The following LGR5 variants were observed in gnomAD, a reference collection of about 807,000 sequenced individuals.
The protein encoded by LGR5 is leucine rich repeat containing G protein-coupled receptor 5.
Under a neutral mutation model 76.7 loss-of-function variants are expected in LGR5, and 54 were observed. The ratio of observed to expected loss-of-function variants is 0.70; its 90% CI spans 0.57 to 0.88. The LOEUF (loss-of-function observed/expected upper bound fraction) is 0.88, where lower values mean the gene tolerates loss of function less well. LGR5 is among the 40% of genes least tolerant of loss of function. The pLI, the probability that LGR5 is intolerant of heterozygous loss-of-function variation, is 0.00. For synonymous variants in LGR5, 406 were observed against 421.9 expected, an observed-to-expected ratio of 0.96 and a Z score of 0.46; for missense variants, 1,078 against 1,073.3, an observed-to-expected ratio of 1.00 and a Z score of -0.06.
At chr12:71,496,890 C>T (rs4301874) in intron 1 of LGR5, among the ~76,000 whole-genome samples, 119,898 of 151,712 alleles carry the variant, frequency 0.79, 47,504 homozygotes, top group Middle Eastern at 0.88. Context: ...TAATATGAAA[C>T]GTTAGATGTC....
intron 11 of LGR5, among the ~76,000 whole-genome samples, chr12:71,569,103 G>C (rs373517381): frequency 2.0e-5 from 3 of 152,170 alleles, no homozygotes; most frequent in Admixed American, 6.5e-5. Context: ...GAACTGGCTA[G>C]CCATATGCAG....
chr12:71,579,726 C>A (rs556188121), intron 15 of LGR5, among the ~76,000 whole-genome samples: 1 of 152,040 alleles, frequency 6.6e-6, no homozygotes, highest in Non-Finnish European at 1.5e-5. Context: ...ATTGAATAGT[C>A]GGTGTTATTT....
chr12:71,570,875 A>T lies in LGR5; in HGVS notation c.1071-639A>T, dbSNP rs75454913. ...TGATAACTTTTAAAACATGAAACAA[A>T]ATTGTTCTTATATATCTATGTTACG... is the stretch of plus-strand genomic sequence containing the variant. On this transcript the variant is annotated intron_variant, in intron 11 of 17. Transcript: ENST00000266674. 7.9e-3 allele frequency among the ~76,000 whole-genome samples: 1,203 copies of T among 152,274 alleles called. 15 individuals are homozygous for T. The highest frequency in any genetic ancestry group is 0.027 in the African/African-American group (1,110 of 41,550).
chr12:71,562,122 C>A (rs1052036514), intron 8 of LGR5, among the ~76,000 whole-genome samples: 4 of 152,100 alleles, frequency 2.6e-5, no homozygotes, highest in Admixed American at 2.6e-4. Context: ...TTGATTACCT[C>A]TATTTTCTAA....
intron 1 of LGR5, among the ~76,000 whole-genome samples, chr12:71,469,479 G>C (rs1209286318): frequency 6.6e-6 from 1 of 152,240 alleles, no homozygotes; most frequent in Non-Finnish European, 1.5e-5. Context: ...CTGGGAGTGG[G>C]AATCAGTGCG....
chr12:71,586,173 T>C lies in LGR5; in HGVS notation c.*1439T>C, dbSNP rs528426364. 1 of 152,264 alleles carries C rather than the reference T, an allele frequency of 6.6e-6. No individual in the cohort carries two copies. Among genetic ancestry groups the C allele is most frequent in the African/African-American group, 2.4e-5 (1 of 41,568 alleles). The allele number at this position is 152,264 out of a possible 1,614,324, so 9.4% of individuals were successfully genotyped here. ...CAGTGGCATATTCTTTGATTTATATTGTGTTTCTCTGCCCATTTTCTTTAA... is the reference window on the plus strand; with the variant it reads ...CAGTGGCATATTCTTTGATTTATATCGTGTTTCTCTGCCCATTTTCTTTAA... On this transcript the variant is annotated 3_prime_UTR_variant, in exon 18 of 18. Coordinates refer to ENST00000266674, the MANE Select transcript of LGR5 (RefSeq NM_003667.4).
intron 3 of LGR5, 48 bp downstream of exon 3, chr12:71,524,525 A>T (rs1227111997): frequency 7.8e-7 from 1 of 1,286,092 alleles, no homozygotes; most frequent in East Asian, 2.3e-5. Context: ...TTAGTGTCAA[A>T]TGGCTGCTAA....
chr12:71,565,721 A>G (rs1237465637), intron 8 of LGR5, among the ~76,000 whole-genome samples: 2 of 151,584 alleles, frequency 1.3e-5, no homozygotes. Flanking sequence ...AACGTGGTAG[A>G]CATTAGTGAA....
intron 1 of LGR5, among the ~76,000 whole-genome samples, chr12:71,468,706 C>T (rs1223646263): frequency 7.2e-6 from 1 of 137,982 alleles, no homozygotes; most frequent in Non-Finnish European, 1.5e-5. Flanking sequence ...TCTGTGGTAG[C>T]CTCTTTTTTT....
intron 1 of LGR5, among the ~76,000 whole-genome samples, chr12:71,456,232 T>C (rs118089330): frequency 4.5e-4 from 69 of 152,250 alleles, no homozygotes; most frequent in Non-Finnish European, 9.0e-4. Flanking sequence ...AAAAATACAA[T>C]ATTTCCAGCC....
chr12:71,574,699 TC>T (rs1303640997), intron 13 of LGR5, among the ~76,000 whole-genome samples: 2 of 152,154 alleles, frequency 1.3e-5, no homozygotes, highest in Non-Finnish European at 2.9e-5. Flanking sequence ...GTGTCATCTC[TC>T]CTCAGCACAC....
intron 1 of LGR5, among the ~76,000 whole-genome samples, chr12:71,487,598 G>C (rs1873888818): frequency 6.6e-6 from 1 of 152,026 alleles, no homozygotes; most frequent in Non-Finnish European, 1.5e-5. Context: ...AATTATTTCT[G>C]TACGAGGTCT....
intron 11 of LGR5, among the ~76,000 whole-genome samples, chr12:71,570,378 G>T (rs1057227338): frequency 6.6e-6 from 1 of 152,090 alleles, no homozygotes; most frequent in African/African-American, 2.4e-5. Context: ...TTAGGTAGAA[G>T]GCAACACTAT....
intron 1 of LGR5, among the ~76,000 whole-genome samples, chr12:71,468,854 TTTTG>T (rs1288532741): frequency 6.6e-6 from 1 of 152,106 alleles, no homozygotes; most frequent in Non-Finnish European, 1.5e-5. Context: ...GTACTCATAA[TTTTG>T]TTTGTCAGTG....
At chr12:71,565,526 A>G (rs1156812582) in intron 8 of LGR5, among the ~76,000 whole-genome samples, 1 of 150,858 alleles carries the variant, frequency 6.6e-6, no homozygotes, top group Non-Finnish European at 1.5e-5. Flanking sequence ...TTAAGTAGAA[A>G]GTGATATGCT....
intron 1 of LGR5, among the ~76,000 whole-genome samples, chr12:71,473,485 A>AT (rs144772571): frequency 1.1e-3 from 167 of 152,178 alleles, no homozygotes; most frequent in African/African-American, 3.7e-3. Flanking sequence ...TTTAAAAAAA[A>AT]TTTTAAGTCG....
In LGR5 at chr12:71,536,651, C is replaced by T. The variant is rs191997857; in HGVS notation, c.428+1465C>T. Among the ~76,000 whole-genome samples the T allele has an allele frequency of 6.4e-4, 98 of 152,334 alleles. 1 individual carries two copies. Among genetic ancestry groups the T allele is most frequent in the East Asian group, 3.5e-3 (18 of 5,184 alleles). On this transcript the variant is annotated intron_variant, in intron 4 of 17. Transcript: ENST00000266674. ...GGCGGTAGCCAGTAGGAACTTTAAA[C>T]AGCTGCAAGGCAGGCAGTAGATAGA...
In LGR5 at chr12:71,583,949, G is replaced by C. The variant is rs1425305486; in HGVS notation, c.1939G>C (p.Ala647Pro). The part of the protein sequence containing the change: ...CHVIGFLSIF[A>P]SESSVFLLTL... Reference sequence around the variant, plus strand: ...TGTCATTGGTTTTTTGTCCATTTTTGCTTCAGAATCATCTGTTTTCCTGCT... The same window carrying C: ...TGTCATTGGTTTTTTGTCCATTTTTCCTTCAGAATCATCTGTTTTCCTGCT... The change falls in exon 18 of 18, where the codon GCT (alanine) becomes CCT (proline). Residue 647 changes from alanine to proline, a missense_variant. Coordinates refer to ENST00000266674, the MANE Select transcript of LGR5 (RefSeq NM_003667.4). 2 of 1,614,000 alleles carry C rather than the reference G, an allele frequency of 1.2e-6. No individual in the cohort carries two copies. The highest frequency in any genetic ancestry group is 1.3e-5 in the African/African-American group (1 of 74,908).
At chr12:71,517,500 G>A (rs1473994551) in intron 2 of LGR5, among the ~76,000 whole-genome samples, 1 of 152,180 alleles carries the variant, frequency 6.6e-6, no homozygotes, top group African/African-American at 2.4e-5. Flanking sequence ...AAAAAATAAA[G>A]TTTTTACTTT....
Sources: allele counts gnomAD v4.1 joint callset (sites outside exome capture counted in the v4.1 genomes callset), GRCh38; gene constraint gnomAD v4.1.1; transcripts MANE v1.5; gene names NCBI Gene and HGNC (gene_info 2026-07-23, HGNC 2026-07-21).